The following CDKL3 variants were observed in gnomAD, a reference collection of about 807,000 sequenced individuals.
CDKL3 encodes the protein cyclin dependent kinase like 3.
In CDKL3, 65 loss-of-function variants were observed where a neutral mutation model predicts 69.3. The ratio of observed to expected loss-of-function variants is 0.94; its 90% CI spans 0.77 to 1.15. CDKL3 has a LOEUF of 1.15. Ranked by LOEUF, CDKL3 falls within the 50% of genes most tolerant of loss-of-function variation. The pLI is 0.00. For synonymous variants in CDKL3, 202 were observed against 221.6 expected (o/e 0.91, Z 0.79); for missense variants, 652 against 689.2 (o/e 0.95, Z 0.61).
intron 12 of CDKL3, chr5:134,302,261 CT>C (rs1311022144): frequency 6.5e-6 from 3 of 460,674 alleles, no homozygotes; most frequent in African/African-American, 2.0e-5. Context: ...GACACACATG[CT>C]TGTGGCCATA....
intron 12 of CDKL3, chr5:134,299,493 T>C (rs1164887607): frequency 8.2e-7 from 1 of 1,225,996 alleles, no homozygotes; most frequent in Non-Finnish European, 1.1e-6. Flanking sequence ...TAAATTCATG[T>C]TCAAATTAAG....
intron 4 of CDKL3, among the ~76,000 whole-genome samples, chr5:134,324,743 A>C (rs777413323): frequency 6.6e-6 from 1 of 152,156 alleles, no homozygotes; most frequent in Non-Finnish European, 1.5e-5. Flanking sequence ...AGGACCATAA[A>C]ATTATTCTGT....
intron 8 of CDKL3, among the ~76,000 whole-genome samples, chr5:134,292,285 T>C (rs555950747): frequency 6.6e-6 from 1 of 152,228 alleles, no homozygotes; most frequent in East Asian, 1.9e-4. Context: ...TCTGACCACA[T>C]TGAAATTGAA....
upstream of CDKL3, chr5:134,371,267 A>C (rs1261118431): frequency 4.8e-6 from 2 of 420,276 alleles, no homozygotes; most frequent in East Asian, 1.0e-4. Context: ...TTGAATCCAC[A>C]ACCTCTAGTC....
chr5:134,340,664 A>T (rs1750260321), intron 4 of CDKL3, among the ~76,000 whole-genome samples: 3 of 152,198 alleles, frequency 2.0e-5, no homozygotes, highest in Admixed American at 1.3e-4. Context: ...GCTCAATAAA[A>T]AATAGACAAT....
intron 12 of CDKL3, chr5:134,299,702 C>A (rs1486392808): frequency 4.6e-6 from 7 of 1,534,656 alleles, no homozygotes; most frequent in Non-Finnish European, 5.2e-6. Flanking sequence ...ATTTTCTACT[C>A]TACATCTGGC....
rs1284240080 is a variant in CDKL3 at position 134,312,304 on chromosome 5, C to T, written c.869G>A (p.Gly290Glu). 6.3e-7 allele frequency: 1 copy of T among 1,577,710 alleles called. No individual in the cohort carries two copies. The highest frequency in any genetic ancestry group is 1.4e-5 in the African/African-American group (1 of 73,920). ...TCAAAATGCTTACTTTTCAATAAAT[C>T]CATCTCTAGTAAAATACTCATGATG... The part of the protein sequence containing the change: ...LLHHEYFTRD[G>E]FIEKFMPELK... Residue 290 changes from glycine to glutamate, a missense_variant, in exon 7 of 13, where the codon GGA becomes GAA. Coordinates refer to ENST00000265334, the MANE Select transcript of CDKL3 (RefSeq NM_001113575.2).
intron 10 of CDKL3, 59 bp downstream of exon 10, chr5:134,306,550 A>G (rs751523195): frequency 1.0e-5 from 10 of 998,730 alleles, no homozygotes; most frequent in Non-Finnish European, 1.6e-5. Flanking sequence ...GATAGAGAAA[A>G]GGAAAAAAGA....
intron 6 of CDKL3, among the ~76,000 whole-genome samples, chr5:134,317,842 G>A (rs905439849): frequency 3.3e-5 from 5 of 152,144 alleles, no homozygotes; most frequent in African/African-American, 1.2e-4. Context: ...CAGGAAGTCG[G>A]AACTGCAGTG....
At chr5:134,301,274 A>T (rs1766231918) in intron 12 of CDKL3, among the ~76,000 whole-genome samples, 1 of 152,172 alleles carries the variant, frequency 6.6e-6, no homozygotes, top group Admixed American at 6.5e-5. Context: ...CTGGGATTAC[A>T]GGTGTGAGCC....
intron 4 of CDKL3, among the ~76,000 whole-genome samples, chr5:134,324,611 T>C (rs1336392763): frequency 2.0e-5 from 3 of 152,180 alleles, no homozygotes; most frequent in Non-Finnish European, 4.4e-5. Flanking sequence ...CTACATACTA[T>C]GTGATTCCAA....
chr5:134,360,239 T>C lies in CDKL3; in HGVS notation c.166-148A>G, dbSNP rs1409495500. On this transcript the variant is annotated intron_variant, in intron 2 of 12. Transcript: ENST00000265334. Reference sequence around the variant, plus strand: ...TCTTTTTTTTGAGATGGAGTCTTGCTCTGTCGCCAGGCTGGAGTGCAGTAG... The same window carrying C: ...TCTTTTTTTTGAGATGGAGTCTTGCCCTGTCGCCAGGCTGGAGTGCAGTAG... The C allele has an allele frequency of 2.8e-5, 18 of 648,584 alleles. No homozygotes were observed. In the East Asian group the frequency reaches 3.9e-4, roughly 14 times the overall value. 40.2% of individuals were successfully genotyped at this position (648,584 alleles called of 1,614,324 possible). A position where few individuals can be genotyped will look rare whatever the true frequency, so the allele number is the denominator to read the frequency against.
At chr5:134,303,153 G>C (rs1306390126) in intron 11 of CDKL3, among the ~76,000 whole-genome samples, 1 of 151,426 alleles carries the variant, frequency 6.6e-6, no homozygotes, top group Non-Finnish European at 1.5e-5. Context: ...GTGCAGTGGC[G>C]CGATCTCGGC....
At chr5:134,287,803 A>G (rs539516005) in intron 8 of CDKL3, among the ~76,000 whole-genome samples, 1 of 152,318 alleles carries the variant, frequency 6.6e-6, no homozygotes, top group African/African-American at 2.4e-5. Flanking sequence ...GCCCTCATTT[A>G]AAAGTATCAG....
downstream of CDKL3, among the ~76,000 whole-genome samples, chr5:134,296,087 C>T (rs906800787): frequency 4.0e-5 from 6 of 151,660 alleles, no homozygotes; most frequent in Admixed American, 2.6e-4. Context: ...TTAGTAGAGA[C>T]GGGGTTTCAC....
At chr5:134,356,014 C>T (rs1164549088) in intron 3 of CDKL3, among the ~76,000 whole-genome samples, 2 of 152,168 alleles carry the variant, frequency 1.3e-5, no homozygotes, top group Non-Finnish European at 2.9e-5. Flanking sequence ...AAGTGCATTA[C>T]ATTTATAGTG....
intron 4 of CDKL3, among the ~76,000 whole-genome samples, chr5:134,322,952 C>G (rs1194835333): frequency 6.6e-6 from 1 of 150,536 alleles, no homozygotes; most frequent in African/African-American, 2.5e-5. Context: ...GCACTCTAGC[C>G]TGGGCAACAA....
At chr5:134,348,056 T>C (rs72798610) in intron 4 of CDKL3, among the ~76,000 whole-genome samples, 26 of 152,320 alleles carry the variant, frequency 1.7e-4, no homozygotes, top group Non-Finnish European at 3.4e-4. Context: ...TAGATTAAAC[T>C]AAATGGAGGC....
At chr5:134,285,112 C>T (rs760935148), downstream of CDKL3, among the ~76,000 whole-genome samples, 3 of 152,190 alleles carry the variant, frequency 2.0e-5, no homozygotes, top group Non-Finnish European at 4.4e-5. Flanking sequence ...CCGGTCCCTC[C>T]GTTCGGGGCC....
Sources: gnomAD v4.1 joint callset for allele counts (sites outside exome capture counted in the v4.1 genomes callset) on GRCh38, gnomAD v4.1.1 for gene constraint, MANE v1.5 for transcripts, NCBI Gene and HGNC (gene_info 2026-07-23, HGNC 2026-07-21) for gene names.